The following ZNF157 variants were observed in gnomAD, a reference collection of about 807,000 sequenced individuals.
ZNF157 encodes zinc finger protein 22.
ZNF157 carries 8 observed loss-of-function variants against 9.4 expected under a neutral mutation model. The observed-to-expected ratio is 0.85, with a 90% CI of 0.50 to 1.53. ZNF157 has a LOEUF of 1.53. Among genes scored for constraint, ZNF157 ranks in the 40% most tolerant of loss-of-function variants. The probability of loss-of-function intolerance (pLI) is 0.00; values close to 1 mark genes in which losing one functional copy is unlikely to be tolerated. For synonymous variants in ZNF157, 120 were observed against 130.8 expected, an observed-to-expected ratio of 0.92 and a Z score of 0.56; for missense variants, 316 against 385.2, an observed-to-expected ratio of 0.82 and a Z score of 1.50.
intron 1 of ZNF157, among the ~76,000 whole-genome samples, chrX:47,375,223 G>A (rs1272196045): frequency 9.3e-6 from 1 of 107,727 alleles, no homozygotes; most frequent in East Asian, 2.9e-4. Flanking sequence ...CACCATGTTG[G>A]CCAGGCTGGC....
At chrX:47,371,836 T>C (rs911343025) in intron 1 of ZNF157, among the ~76,000 whole-genome samples, 1 of 111,706 alleles carries the variant, frequency 9.0e-6, no homozygotes, top group East Asian at 2.8e-4. Flanking sequence ...CTTGAACTCC[T>C]GACCTCGTGA....
At chrX:47,389,300 G>C (rs946853599) in intron 1 of ZNF157, among the ~76,000 whole-genome samples, 1 of 108,940 alleles carries the variant, frequency 9.2e-6, no homozygotes, top group Non-Finnish European at 1.9e-5. Context: ...CTGACTCCTG[G>C]GTTCTAGCGA....
intron 1 of ZNF157, among the ~76,000 whole-genome samples, chrX:47,409,396 G>A (rs138813168): frequency 1.8e-5 from 2 of 111,236 alleles, no homozygotes; most frequent in African/African-American, 6.5e-5. Flanking sequence ...GTGCAGTGAC[G>A]CAATCTCAGC....
At chrX:47,375,776 C>T (rs368721522) in intron 1 of ZNF157, among the ~76,000 whole-genome samples, 52 of 110,316 alleles carry the variant, frequency 4.7e-4, no homozygotes, top group African/African-American at 1.6e-3. Flanking sequence ...TCACTGCAGC[C>T]TCTACCTCCC....
intron 1 of ZNF157, among the ~76,000 whole-genome samples, chrX:47,380,971 CAGGAGGAGGAGGAGAAAGAGA>C (rs2055860543): frequency 6.1e-5 from 2 of 32,686 alleles, no homozygotes; most frequent in African/African-American, 2.6e-4. Context: ...AAAGGAGGAG[CAGGAGGAGGAGGAGAAAGAGA>C]AGGAGGAGGA....
chrX:47,375,625 C>T (rs981714612), intron 1 of ZNF157, among the ~76,000 whole-genome samples: 6 of 111,021 alleles, frequency 5.4e-5, no homozygotes, highest in African/African-American at 1.6e-4. Context: ...TGTGCTTCAG[C>T]GATTCATCCT....
chrX:47,406,373 T>C (rs2055947122), intron 1 of ZNF157, among the ~76,000 whole-genome samples: 2 of 110,498 alleles, frequency 1.8e-5, no homozygotes, highest in African/African-American at 6.6e-5. Context: ...TCTCTCTCTC[T>C]CTCTCTTTTT....
At position 47,412,696 on chromosome X, in the gene ZNF157, A is replaced by G; in HGVS notation, c.623A>G (p.His208Arg). 1.7e-6 allele frequency: 2 copies of G among 1,212,061 alleles called. No individual in the cohort carries two copies. Among genetic ancestry groups the G allele is most frequent in the Non-Finnish European group, 1.1e-6 (1 of 895,594 alleles). Residue 208 changes from histidine to arginine, a missense_variant, in exon 4 of 4, where the codon CAT becomes CGT. His to Arg is a conservative substitution (Grantham distance 29). This residue lies in a region of ZNF157 where 146 missense variants were observed against 183.8 expected (regional missense o/e 0.79). Coordinates refer to ENST00000377073, the MANE Select transcript of ZNF157 (RefSeq NM_003446.4). ...AGTGCAAGATCATACCTCATTGCTCATCAGAAAACTCACACAGGGGAGAGG... is the reference window on the plus strand; with the variant it reads ...AGTGCAAGATCATACCTCATTGCTCGTCAGAAAACTCACACAGGGGAGAGG... Reference protein sequence around the residue: ...TFSARSYLIAHQKTHTGERPF... With the variant: ...TFSARSYLIARQKTHTGERPF...
intron 1 of ZNF157, among the ~76,000 whole-genome samples, chrX:47,388,969 C>T (rs374359697): frequency 5.5e-4 from 60 of 109,580 alleles, no homozygotes; most frequent in African/African-American, 1.9e-3. Context: ...CACCACCACG[C>T]CTGGCTAATT....
chrX:47,378,999 C>T (rs980709497), intron 1 of ZNF157, among the ~76,000 whole-genome samples: 2 of 111,130 alleles, frequency 1.8e-5, no homozygotes, highest in African/African-American at 3.3e-5. Context: ...AATACAAGTC[C>T]TTTATGAGAT....
At chrX:47,406,568 T>A (rs6609495) in intron 1 of ZNF157, among the ~76,000 whole-genome samples, 3 of 111,001 alleles carry the variant, frequency 2.7e-5, no homozygotes, top group African/African-American at 9.9e-5. Flanking sequence ...AGAGACAGGG[T>A]TTCGCCATGT....
At chrX:47,371,932 C>T (rs2055830155) in intron 1 of ZNF157, among the ~76,000 whole-genome samples, 1 of 111,833 alleles carries the variant, frequency 8.9e-6, no homozygotes, top group Admixed American at 9.6e-5. Flanking sequence ...TGATACTTTT[C>T]CATCGCATGG....
intron 3 of ZNF157, 87 bp from the exon 4 acceptor site, chrX:47,412,282 T>G (rs1421556789): frequency 1.3e-6 from 1 of 792,126 alleles, no homozygotes; most frequent in Non-Finnish European, 1.8e-6. Context: ...AAAGGTTGTG[T>G]TAAGGAGTTT....
chrX:47,386,756 G>A (rs781238532), intron 1 of ZNF157, among the ~76,000 whole-genome samples: 48 of 111,038 alleles, frequency 4.3e-4, no homozygotes, highest in South Asian at 7.5e-4. Flanking sequence ...CACGCCACCC[G>A]GCTCCCAATT....
intron 1 of ZNF157, among the ~76,000 whole-genome samples, chrX:47,404,061 T>A (rs182150317): frequency 4.6e-4 from 51 of 110,411 alleles, no homozygotes; most frequent in African/African-American, 1.7e-3. Flanking sequence ...TCCCAGCTAC[T>A]TGGGAGTCTG....
At chrX:47,396,989 A>G (rs1434218253) in intron 1 of ZNF157, among the ~76,000 whole-genome samples, 4 of 110,600 alleles carry the variant, frequency 3.6e-5, no homozygotes, top group South Asian at 3.8e-4. Flanking sequence ...CCATGATTCA[A>G]TTACCTCCCA....
chrX:47,372,449 C>G (rs1251323688), intron 1 of ZNF157, among the ~76,000 whole-genome samples: 1 of 109,519 alleles, frequency 9.1e-6, no homozygotes, highest in East Asian at 2.8e-4. Context: ...TTCCCACATG[C>G]CTTGCCCTAT....
intron 1 of ZNF157, among the ~76,000 whole-genome samples, chrX:47,404,242 T>C (rs1271455763): frequency 2.8e-5 from 3 of 108,942 alleles, no homozygotes; most frequent in Non-Finnish European, 5.7e-5. Context: ...ATCGGCTCAC[T>C]GCAACCTCCA....
chrX:47,396,904 A>G (rs1277141769), intron 1 of ZNF157, among the ~76,000 whole-genome samples: 1 of 110,835 alleles, frequency 9.0e-6, no homozygotes, highest in Non-Finnish European at 1.9e-5. Flanking sequence ...GTGCAGGGGA[A>G]CTCCCCTTTA....
Sources: gnomAD v4.1 joint callset for allele counts (sites outside exome capture counted in the v4.1 genomes callset) on GRCh38, gnomAD v4.1.1 for gene constraint, gnomAD v4.1.1 regional missense constraint, MANE v1.5 for transcripts, NCBI Gene and HGNC (gene_info 2026-07-23, HGNC 2026-07-21) for gene names.